The following STXBP5L variants were observed in gnomAD, a reference collection of about 807,000 sequenced individuals.
The protein encoded by STXBP5L is syntaxin binding protein 5L, also known as syntaxin-binding protein 5-like.
A neutral mutation model predicts 144.5 loss-of-function variants in STXBP5L; 65 were observed. That is an observed-to-expected ratio of 0.45 (90% CI 0.37 to 0.55). The LOEUF (loss-of-function observed/expected upper bound fraction) is 0.55, where lower values mean the gene tolerates loss of function less well. Among genes scored for constraint, STXBP5L ranks in the 20% least tolerant of loss-of-function variants. The pLI, the probability that STXBP5L is intolerant of heterozygous loss-of-function variation, is 0.00. For missense variants in STXBP5L, 1,298 were observed against 1,405.5 expected, an observed-to-expected ratio of 0.92 and a Z score of 1.22; for synonymous variants, 505 against 469.6, an observed-to-expected ratio of 1.08 and a Z score of -0.97.
intron 9 of STXBP5L, chr3:121,158,773 T>C (rs900197206): frequency 7.9e-5 from 12 of 152,326 alleles, no homozygotes; most frequent in African/African-American, 2.4e-4. Flanking sequence ...AAGTATAATA[T>C]GAGCTAGTCA....
At chr3:121,351,830 G>T (rs532498163) in intron 20 of STXBP5L, among the ~76,000 whole-genome samples, 1 of 152,146 alleles carries the variant, frequency 6.6e-6, no homozygotes, top group African/African-American at 2.4e-5. Context: ...TAACATTTAA[G>T]TCTTTAATCT....
intron 21 of STXBP5L, among the ~76,000 whole-genome samples, chr3:121,380,969 A>G (rs1293138998): frequency 1.3e-5 from 2 of 152,118 alleles, no homozygotes; most frequent in Admixed American, 1.3e-4. Flanking sequence ...TGTAACCATT[A>G]CTATTTAGAC....
At chr3:121,218,721 G>A (rs2048881908) in intron 10 of STXBP5L, among the ~76,000 whole-genome samples, 1 of 152,012 alleles carries the variant, frequency 6.6e-6, no homozygotes, top group Non-Finnish European at 1.5e-5. Context: ...AAAGTGAAGA[G>A]AACATATTTT....
chr3:121,074,132 G>A (rs931996670), intron 5 of STXBP5L, among the ~76,000 whole-genome samples: 2 of 152,156 alleles, frequency 1.3e-5, no homozygotes, highest in Non-Finnish European at 2.9e-5. Flanking sequence ...TGATTGGGGG[G>A]TTTTTGAATC....
At chr3:120,922,421 T>C (rs1221951768) in intron 2 of STXBP5L, among the ~76,000 whole-genome samples, 1 of 152,074 alleles carries the variant, frequency 6.6e-6, no homozygotes, top group African/African-American at 2.4e-5. Flanking sequence ...CAAGGCTGAT[T>C]TGACTCCCTT....
At chr3:121,147,904 C>A (rs1052874997) in intron 7 of STXBP5L, among the ~76,000 whole-genome samples, 4 of 152,212 alleles carry the variant, frequency 2.6e-5, no homozygotes, top group Admixed American at 1.3e-4. Flanking sequence ...ACTGAAACAT[C>A]GGCTCTTCCT....
intron 3 of STXBP5L, among the ~76,000 whole-genome samples, chr3:120,962,298 A>G (rs1015312880): frequency 6.6e-6 from 1 of 152,062 alleles, no homozygotes; most frequent in African/African-American, 2.4e-5. Flanking sequence ...CCATTTGTCA[A>G]TTTTGGCTTT....
intron 20 of STXBP5L, among the ~76,000 whole-genome samples, chr3:121,353,792 T>C (rs1321695310): frequency 6.6e-6 from 1 of 152,228 alleles, no homozygotes; most frequent in African/African-American, 2.4e-5. Context: ...CAATTTTAGA[T>C]CTTTCCTGCT....
chr3:121,027,111 G>A (rs1212379928), intron 3 of STXBP5L, among the ~76,000 whole-genome samples: 2 of 151,782 alleles, frequency 1.3e-5, no homozygotes, highest in African/African-American at 4.8e-5. Context: ...ATATATATAT[G>A]TGTTTGTATA....
At chr3:121,271,313 C>A (rs1005875720) in intron 18 of STXBP5L, among the ~76,000 whole-genome samples, 3 of 152,170 alleles carry the variant, frequency 2.0e-5, no homozygotes, top group Non-Finnish European at 4.4e-5. Flanking sequence ...CCATATGGAA[C>A]CCCATCAAAA....
At chr3:121,193,522 T>A (rs535623266) in intron 9 of STXBP5L, among the ~76,000 whole-genome samples, 1 of 152,120 alleles carries the variant, frequency 6.6e-6, no homozygotes, top group African/African-American at 2.4e-5. Context: ...AACATGTACA[T>A]GTATGTTTAT....
At chr3:121,010,070 T>C (rs1944654956) in intron 3 of STXBP5L, among the ~76,000 whole-genome samples, 1 of 151,974 alleles carries the variant, frequency 6.6e-6, no homozygotes, top group South Asian at 2.1e-4. Flanking sequence ...TGTAGGAATT[T>C]ACAGTTGTCT....
intron 20 of STXBP5L, among the ~76,000 whole-genome samples, chr3:121,350,894 A>G (rs901480579): frequency 1.3e-5 from 2 of 151,932 alleles, no homozygotes; most frequent in African/African-American, 2.4e-5. Flanking sequence ...CTTCTTTGCC[A>G]TGGGTTTGAA....
At chr3:121,367,549 C>T (rs1190344576) in intron 20 of STXBP5L, among the ~76,000 whole-genome samples, 1 of 142,698 alleles carries the variant, frequency 7.0e-6, no homozygotes, top group African/African-American at 2.6e-5. Context: ...TGATGAGTCA[C>T]TTCTCTATTG....
At chr3:121,022,696 A>T (rs9653918) in intron 3 of STXBP5L, among the ~76,000 whole-genome samples, 15,086 of 152,148 alleles carry the variant, frequency 0.099, 1,179 homozygotes, top group Admixed American at 0.2. Flanking sequence ...AAGGCATTTG[A>T]CAAAATCCAG....
chr3:121,015,721 A>G (rs1297093054), intron 3 of STXBP5L, among the ~76,000 whole-genome samples: 1 of 152,142 alleles, frequency 6.6e-6, no homozygotes, highest in Non-Finnish European at 1.5e-5. Flanking sequence ...ATTCTCCCTA[A>G]CAAAAAAGTA....
At chr3:121,345,001 A>G (rs1266448656) in intron 20 of STXBP5L, among the ~76,000 whole-genome samples, 1 of 151,356 alleles carries the variant, frequency 6.6e-6, no homozygotes, top group African/African-American at 2.4e-5. Context: ...AAAAAAAGTA[A>G]GTACAGAAAG....
chr3:121,267,718 A>C (rs531223553), intron 18 of STXBP5L, among the ~76,000 whole-genome samples: 1 of 151,838 alleles, frequency 6.6e-6, no homozygotes, highest in Admixed American at 6.6e-5. Flanking sequence ...TTACAAGAAA[A>C]AAACAACCCC....
intron 18 of STXBP5L, among the ~76,000 whole-genome samples, chr3:121,265,322 C>T (rs570567320): frequency 1.2e-3 from 178 of 152,296 alleles, no homozygotes; most frequent in Non-Finnish European, 2.3e-3. Flanking sequence ...AAGAAACTCA[C>T]TCAAAACCAT....
Sources: gnomAD v4.1 joint callset for allele counts (sites outside exome capture counted in the v4.1 genomes callset) on GRCh38, gnomAD v4.1.1 for gene constraint, MANE v1.5 for transcripts, NCBI Gene and HGNC (gene_info 2026-07-23, HGNC 2026-07-21) for gene names.